The following ZEB2 variants were observed in gnomAD, a reference collection of about 807,000 sequenced individuals.
ZEB2 encodes zinc finger E-box binding homeobox 2, also known as zinc finger E-box-binding homeobox 2.
A neutral mutation model predicts 99.9 loss-of-function variants in ZEB2; 6 were observed. The observed-to-expected ratio is 0.06, with a 90% confidence interval of 0.03 to 0.12. The LOEUF is 0.12. Among genes scored for constraint, ZEB2 ranks in the 10% least tolerant of loss-of-function variants. ZEB2 has a pLI of 1.00. For missense variants in ZEB2, 969 were observed against 1,502.8 expected (o/e 0.64, Z 5.87); for synonymous variants, 517 against 542.5 (o/e 0.95, Z 0.65).
At chr2:144,481,694 T>C (rs1267827060) in intron 2 of ZEB2, among the ~76,000 whole-genome samples, 1 of 152,204 alleles carries the variant, frequency 6.6e-6, no homozygotes, top group Admixed American at 6.5e-5. Context: ...ACTCAAGAGA[T>C]CTTCAGTATA....
intron 2 of ZEB2, 98 bp from the exon 3 acceptor site, chr2:144,430,124 A>G (rs1409889324): frequency 6.7e-7 from 1 of 1,491,902 alleles, no homozygotes; most frequent in East Asian, 2.3e-5. Flanking sequence ...TAATATTTTC[A>G]TAACTGAATT....
chr2:144,506,897 T>G (rs575540130), intron 2 of ZEB2, among the ~76,000 whole-genome samples: 1 of 152,286 alleles, frequency 6.6e-6, no homozygotes, highest in African/African-American at 2.4e-5. Context: ...AACGTAACTA[T>G]TAAAGAGAAA....
intron 1 of ZEB2, 71 bp from the exon 2 acceptor site, chr2:144,517,490 G>A (rs1705176995): frequency 1.9e-6 from 2 of 1,072,084 alleles, no homozygotes; most frequent in African/African-American, 1.6e-5. Context: ...CCGCCCAGGG[G>A]AGCCGGGCCA....
chr2:144,422,261 AAATGTCCAGCTTT>A, intron 4 of ZEB2, among the ~76,000 whole-genome samples: 1 of 152,242 alleles, frequency 6.6e-6, no homozygotes, highest in South Asian at 2.1e-4. Context: ...GCTTTAACTT[AAATGTCCAGCTTT>A]ATTTCCCAGA....
chr2:144,468,180 A>G (rs749930439), intron 2 of ZEB2, among the ~76,000 whole-genome samples: 8 of 152,118 alleles, frequency 5.3e-5, no homozygotes, highest in Non-Finnish European at 1.0e-4. Flanking sequence ...GTGGGAAATC[A>G]AAGGCAAGAA....
intron 2 of ZEB2, among the ~76,000 whole-genome samples, chr2:144,493,201 C>T (rs568433890): frequency 6.6e-6 from 1 of 152,006 alleles, no homozygotes; most frequent in Admixed American, 6.5e-5. Flanking sequence ...GTTATTGTTT[C>T]CTCTTTTCAA....
intron 2 of ZEB2, among the ~76,000 whole-genome samples, chr2:144,510,715 TCTTTC>T (rs1705021773): frequency 6.6e-6 from 1 of 151,166 alleles, no homozygotes; most frequent in Non-Finnish European, 1.5e-5. Flanking sequence ...TCTCTCTCTC[TCTTTC>T]TCTCTCTCTT....
At position 144,403,913 on chromosome 2, in the gene ZEB2, C is replaced by G. The variant is rs144925893; in HGVS notation, c.807+3G>C. 619 of 1,614,132 alleles carry G rather than the reference C, an allele frequency of 3.8e-4. 4 individuals are homozygous for G. The African/African-American group carries it at 6.6e-3, about 17-fold the overall frequency. ...AAGAAATCACTTAAAACCATCCCCC[C>G]ACCTGATCTGTCCCTGGCTTGTGTG... On this transcript the variant is annotated splice_donor_region_variant and intron_variant, in intron 6 of 9. Coordinates refer to ENST00000627532, the MANE Select transcript of ZEB2 (RefSeq NM_014795.4).
intron 2 of ZEB2, among the ~76,000 whole-genome samples, chr2:144,472,418 G>A (rs1704370777): frequency 6.6e-6 from 1 of 152,070 alleles, no homozygotes; most frequent in Non-Finnish European, 1.5e-5. Flanking sequence ...AGGATAATAT[G>A]GCATACAGCA....
intron 2 of ZEB2, among the ~76,000 whole-genome samples, chr2:144,439,852 GCT>G (rs1199629878): frequency 6.6e-6 from 1 of 152,148 alleles, no homozygotes; most frequent in Non-Finnish European, 1.5e-5. Context: ...TAAAATGATA[GCT>G]CAAACCACCT....
chr2:144,471,344 G>A (rs1235963269), intron 2 of ZEB2, among the ~76,000 whole-genome samples: 1 of 152,068 alleles, frequency 6.6e-6, no homozygotes, highest in Non-Finnish European at 1.5e-5. Context: ...ACACCTCAAT[G>A]CAACAAAAGG....
rs1317216507 is a variant in ZEB2 at position 144,430,009 on chromosome 2, C to T, written c.91G>A (p.Val31Ile). 3 of 1,613,392 alleles carry T rather than the reference C, an allele frequency of 1.9e-6. No homozygotes were observed. The highest frequency in any genetic ancestry group is 2.5e-6 in the Non-Finnish European group (3 of 1,179,834). Reference sequence around the variant, plus strand: ...TCTGTTTCAGAACCTGTGTCCACTACATTGTCATAGTTCACCACTGCAGAA... The same window carrying T: ...TCTGTTTCAGAACCTGTGTCCACTATATTGTCATAGTTCACCACTGCAGAA... ...RRKNVVNYDN[V>I]VDTGSETDEE... is the part of the protein sequence containing the mutation. The change falls in exon 3 of 10, where the codon GTA becomes ATA. Residue 31 changes from valine to isoleucine, a missense_variant. Val to Ile is a conservative substitution (Grantham distance 29). This residue lies in a region of ZEB2 where 173 missense variants were observed against 217.7 expected (regional missense o/e 0.79). Transcript: ENST00000627532.
At chr2:144,396,978 G>A (rs950737845) in intron 8 of ZEB2, among the ~76,000 whole-genome samples, 1 of 152,108 alleles carries the variant, frequency 6.6e-6, no homozygotes, top group Non-Finnish European at 1.5e-5. Flanking sequence ...ATCTGTAGCT[G>A]TAGAAACCCG....
intron 2 of ZEB2, among the ~76,000 whole-genome samples, chr2:144,446,831 A>G (rs1014516818): frequency 2.0e-5 from 3 of 151,956 alleles, no homozygotes; most frequent in Non-Finnish European, 2.9e-5. Context: ...CCTGGCCAAC[A>G]TGGTGAAACC....
chr2:144,478,343 C>T lies in ZEB2; in HGVS notation c.73+38935G>A, dbSNP rs907715923. ...TTATTCAAAAACTAAAATGCAGTTC[C>T]GATTAAAGTTTGATGAGTGAAAGCT... is the stretch of plus-strand genomic sequence containing the variant. On this transcript the variant is annotated intron_variant, in intron 2 of 9. Coordinates refer to ENST00000627532, the MANE Select transcript of ZEB2 (RefSeq NM_014795.4). Among the ~76,000 whole-genome samples the T allele has an allele frequency of 3.3e-5, 5 of 152,234 alleles. No individual in the cohort carries two copies. The East Asian group carries it at 5.8e-4, about 18-fold the overall frequency.
At chr2:144,412,911 T>C (rs1205585381) in intron 4 of ZEB2, among the ~76,000 whole-genome samples, 3 of 152,226 alleles carry the variant, frequency 2.0e-5, no homozygotes, top group Non-Finnish European at 4.4e-5. Flanking sequence ...CACCAGCACC[T>C]AGCATAGTGC....
chr2:144,402,068 T>C (rs1703319177), intron 6 of ZEB2, among the ~76,000 whole-genome samples: 1 of 152,156 alleles, frequency 6.6e-6, no homozygotes, highest in African/African-American at 2.4e-5. Context: ...TTTTCCTTTT[T>C]AGTAGTGTGC....
chr2:144,407,021 T>C lies in ZEB2; in HGVS notation c.404-1997A>G, dbSNP rs565352181. Among the ~76,000 whole-genome samples the C allele has an allele frequency of 4.6e-5, 7 of 152,316 alleles. No individual in the cohort carries two copies. The South Asian group carries it at 1.5e-3, about 32-fold the overall frequency. ...TGCTAAGGTACCTCCCTCAGGTTTA[T>C]ACTTTCCAAATTTGATGGATGGTAG... On this transcript the variant is annotated intron_variant, in intron 4 of 9. Coordinates refer to ENST00000627532, the MANE Select transcript of ZEB2 (RefSeq NM_014795.4).
At chr2:144,402,197 G>A (rs565308369) in intron 6 of ZEB2, among the ~76,000 whole-genome samples, 1 of 152,238 alleles carries the variant, frequency 6.6e-6, no homozygotes, top group South Asian at 2.1e-4. Context: ...GTGTGACTTA[G>A]AATTCTGGAA....
Sources: gnomAD v4.1 joint callset for allele counts (sites outside exome capture counted in the v4.1 genomes callset) on GRCh38, gnomAD v4.1.1 for gene constraint, gnomAD v4.1.1 regional missense constraint, MANE v1.5 for transcripts, NCBI Gene and HGNC (gene_info 2026-07-23, HGNC 2026-07-21) for gene names.